MAGI1: variants seen among roughly 807,000 people sequenced by gnomAD.
MAGI1 encodes membrane associated guanylate kinase, WW and PDZ domain containing 1.
A neutral mutation model predicts 139.9 loss-of-function variants in MAGI1; 58 were observed. That is an observed-to-expected ratio of 0.41 (90% CI 0.34 to 0.52). MAGI1 has a LOEUF of 0.52. Among genes scored for constraint, MAGI1 ranks in the 20% least tolerant of loss-of-function variants. The pLI, the probability that MAGI1 is intolerant of heterozygous loss-of-function variation, is 0.12. For missense variants in MAGI1, 1,874 were observed against 1,901.6 expected, an observed-to-expected ratio of 0.99 and a Z score of 0.27; for synonymous variants, 812 against 737.9, an observed-to-expected ratio of 1.10 and a Z score of -1.63.
intron 2 of MAGI1, among the ~76,000 whole-genome samples, chr3:65,541,059 A>G (rs561898805): frequency 6.6e-6 from 1 of 152,342 alleles, no homozygotes; most frequent in African/African-American, 2.4e-5. Context: ...AATCTATCCT[A>G]AAGAAAAAAA....
chr3:66,030,728 G>A (rs142826070), intron 1 of MAGI1, among the ~76,000 whole-genome samples: 46 of 152,244 alleles, frequency 3.0e-4, no homozygotes, highest in African/African-American at 1.0e-3. Flanking sequence ...ATATCCTTAG[G>A]ACAGGTCACG....
intron 1 of MAGI1, among the ~76,000 whole-genome samples, chr3:65,809,778 C>T (rs2041104300): frequency 6.6e-6 from 1 of 152,194 alleles, no homozygotes; most frequent in African/African-American, 2.4e-5. Context: ...ATACACTGGA[C>T]ATTCCATTCC....
chr3:65,985,082 A>G (rs2065811860), intron 1 of MAGI1, among the ~76,000 whole-genome samples: 1 of 152,090 alleles, frequency 6.6e-6, no homozygotes. Flanking sequence ...TCATTTACTG[A>G]GCATGTGTGA....
intron 2 of MAGI1, among the ~76,000 whole-genome samples, chr3:65,581,470 T>C (rs1437493666): frequency 6.6e-6 from 1 of 152,174 alleles, no homozygotes; most frequent in Admixed American, 6.5e-5. Context: ...ATTACTGCTT[T>C]AACTTCATCT....
chr3:65,794,324 A>G (rs2039980478), intron 1 of MAGI1, among the ~76,000 whole-genome samples: 1 of 152,216 alleles, frequency 6.6e-6, no homozygotes, highest in Admixed American at 6.5e-5. Context: ...AGGAACTCTC[A>G]AAACTCAACA....
intron 1 of MAGI1, among the ~76,000 whole-genome samples, chr3:65,975,049 T>C (rs1383992751): frequency 6.6e-6 from 1 of 150,704 alleles, no homozygotes; most frequent in African/African-American, 2.4e-5. Context: ...CTTATTCAAA[T>C]CATTCATATT....
At chr3:65,976,092 C>A (rs1184926925) in intron 1 of MAGI1, among the ~76,000 whole-genome samples, 2 of 152,084 alleles carry the variant, frequency 1.3e-5, no homozygotes, top group African/African-American at 4.8e-5. Flanking sequence ...CTCTGAGTGC[C>A]AAGAAGCCAG....
intron 1 of MAGI1, among the ~76,000 whole-genome samples, chr3:65,854,749 T>C (rs1387092571): frequency 6.6e-6 from 1 of 152,196 alleles, no homozygotes. Flanking sequence ...CTGGCTCATC[T>C]GGTAGCACCA....
intron 1 of MAGI1, among the ~76,000 whole-genome samples, chr3:65,751,742 G>A (rs1341415654): frequency 1.3e-5 from 2 of 152,104 alleles, no homozygotes; most frequent in Non-Finnish European, 2.9e-5. Context: ...CCATATATAT[G>A]TGCTCTCTCT....
intron 1 of MAGI1, among the ~76,000 whole-genome samples, chr3:65,830,985 C>G (rs532052340): frequency 6.6e-6 from 1 of 151,618 alleles, no homozygotes; most frequent in South Asian, 2.1e-4. Context: ...CAGTAATCAG[C>G]TATATGTACT....
intron 2 of MAGI1, among the ~76,000 whole-genome samples, chr3:65,508,854 C>A (rs781694091): frequency 6.6e-6 from 1 of 152,142 alleles, no homozygotes; most frequent in Non-Finnish European, 1.5e-5. Context: ...GGTTCTCACT[C>A]TTGGGTTCCA....
intron 22 of MAGI1, among the ~76,000 whole-genome samples, chr3:65,357,707 T>C (rs184581720): frequency 4.5e-4 from 69 of 152,228 alleles, no homozygotes; most frequent in African/African-American, 1.6e-3. Flanking sequence ...AAAAATCTAC[T>C]GCACTGTATA....
chr3:65,369,699 G>C (rs961878525), intron 18 of MAGI1, among the ~76,000 whole-genome samples: 2 of 152,166 alleles, frequency 1.3e-5, no homozygotes, highest in Non-Finnish European at 1.5e-5. Context: ...AGTAGAGACA[G>C]CGTTTCGCCA....
chr3:65,667,047 T>A (rs1053670276), intron 1 of MAGI1, among the ~76,000 whole-genome samples: 28 of 152,258 alleles, frequency 1.8e-4, no homozygotes, highest in African/African-American at 6.8e-4. Context: ...AGCAGTGTCC[T>A]ATTTGTTCGC....
intron 1 of MAGI1, among the ~76,000 whole-genome samples, chr3:66,017,783 G>A (rs1031320344): frequency 4.6e-5 from 7 of 152,088 alleles, no homozygotes; most frequent in African/African-American, 1.7e-4. Flanking sequence ...TTTCATACAT[G>A]AAGCCCAACA....
intron 1 of MAGI1, among the ~76,000 whole-genome samples, chr3:65,822,721 T>C (rs1202603111): frequency 3.9e-5 from 6 of 152,062 alleles, no homozygotes; most frequent in Admixed American, 6.6e-5. Context: ...AGCAGGTACA[T>C]CTTACAATGG....
intron 1 of MAGI1, among the ~76,000 whole-genome samples, chr3:65,804,638 G>A (rs921584990): frequency 6.6e-5 from 10 of 151,894 alleles, no homozygotes; most frequent in East Asian, 3.9e-4. Context: ...CAATGTAAAC[G>A]GACCGTAGCC....
intron 1 of MAGI1, among the ~76,000 whole-genome samples, chr3:65,656,614 G>T (rs76306844): frequency 6.6e-6 from 1 of 152,054 alleles, no homozygotes; most frequent in African/African-American, 2.4e-5. Flanking sequence ...GGTGGGAGGC[G>T]GATTTGAAGA....
intron 18 of MAGI1, 91 bp downstream of exon 18, chr3:65,375,654 C>A: frequency 1.8e-6 from 2 of 1,100,256 alleles, no homozygotes; most frequent in African/African-American, 1.6e-5. Context: ...TACACGAACA[C>A]TAATCAAAGA....
Sources: gnomAD v4.1 joint callset for allele counts (sites outside exome capture counted in the v4.1 genomes callset) on GRCh38, gnomAD v4.1.1 for gene constraint, MANE v1.5 for transcripts, NCBI Gene and HGNC (gene_info 2026-07-23, HGNC 2026-07-21) for gene names.